Variants in PCDHGA2 observed in about 807,000 individuals in gnomAD.
PCDHGA2 encodes the protein protocadherin gamma subfamily A, 2.
Under a neutral mutation model 59.2 loss-of-function variants are expected in PCDHGA2, and 40 were observed. The observed-to-expected ratio is 0.68, with a 90% CI of 0.52 to 0.88. The LOEUF (loss-of-function observed/expected upper bound fraction) is 0.88, where lower values mean the gene tolerates loss of function less well. Ranked by LOEUF, PCDHGA2 falls within the 40% of genes least tolerant of loss-of-function variation. The pLI, the probability that PCDHGA2 is intolerant of heterozygous loss-of-function variation, is 0.00. For missense variants in PCDHGA2, 1,226 were observed against 1,204.0 expected, an observed-to-expected ratio of 1.02 and a Z score of -0.27; for synonymous variants, 560 against 526.0, an observed-to-expected ratio of 1.06 and a Z score of -0.89.
chr5:141,365,644 C>A (rs762390093), intron 1 of PCDHGA2: 3 of 1,613,554 alleles, frequency 1.9e-6, no homozygotes, highest in Non-Finnish European at 2.5e-6. Context: ...AAAGCCACAT[C>A]CCCTTGAAAG....
chr5:141,361,838 G>T lies in PCDHGA2; in HGVS notation c.2424+20443G>T, dbSNP rs761837286. ...CCACGGGTGCTGTACCCCGCGCTGG[G>T]GCCTGATGGCTCCGCCCTCTTCGAT... On this transcript the variant is annotated intron_variant, in intron 1 of 3. Coordinates refer to ENST00000394576, the MANE Select transcript of PCDHGA2 (RefSeq NM_018915.4). 27 of 1,612,714 alleles carry T rather than the reference G, an allele frequency of 1.7e-5. No individual in the cohort carries two copies. Among genetic ancestry groups the T allele is most frequent in the Non-Finnish European group, 2.2e-5 (26 of 1,179,748 alleles).
chr5:141,364,467 G>T (rs776444046), intron 1 of PCDHGA2: 2 of 1,614,004 alleles, frequency 1.2e-6, no homozygotes, highest in Non-Finnish European at 1.7e-6. Context: ...TCCTTCGTCG[G>T]CAACATAGCC....
intron 1 of PCDHGA2, among the ~76,000 whole-genome samples, chr5:141,463,861 A>G (rs1308802167): frequency 1.3e-5 from 2 of 152,340 alleles, no homozygotes; most frequent in East Asian, 1.9e-4. Context: ...ATCTGGTTTC[A>G]CATGACTGAA....
At chr5:141,404,465 G>C in intron 1 of PCDHGA2, 1 of 1,613,516 alleles carries the variant, frequency 6.2e-7, no homozygotes, top group Non-Finnish European at 8.5e-7. Flanking sequence ...CTCCACCTAT[G>C]TCTCTATTAA....
intron 3 of PCDHGA2, 72 bp from the exon 4 acceptor site, chr5:141,510,875 C>T: frequency 6.2e-7 from 1 of 1,610,120 alleles, no homozygotes; most frequent in Admixed American, 1.7e-5. Context: ...TCATTAACTG[C>T]TGGGGATATA....
chr5:141,388,769 C>T (rs1216196772), intron 1 of PCDHGA2: 23 of 1,613,914 alleles, frequency 1.4e-5, no homozygotes, highest in Non-Finnish European at 1.9e-5. Flanking sequence ...TGAACTCTAA[C>T]ACCGGGGAAA....
chr5:141,387,321 T>G (rs2090906935), intron 1 of PCDHGA2, among the ~76,000 whole-genome samples: 1 of 152,226 alleles, frequency 6.6e-6, no homozygotes, highest in African/African-American at 2.4e-5. Context: ...TGAGTAAGTA[T>G]GGAAAATTAC....
chr5:141,421,477 A>G (rs755936665), intron 1 of PCDHGA2: 23 of 1,614,022 alleles, frequency 1.4e-5, no homozygotes, highest in Non-Finnish European at 1.7e-6. Context: ...GCGAAGCGGC[A>G]GCTTGATCAC....
chr5:141,352,426 C>T (rs1759009835), intron 1 of PCDHGA2: 1 of 1,614,080 alleles, frequency 6.2e-7, no homozygotes, highest in Non-Finnish European at 8.5e-7. Flanking sequence ...CTGAGGGCTG[C>T]TTTCAAACCG....
At chr5:141,502,768 T>C (rs1389860952) in intron 2 of PCDHGA2, among the ~76,000 whole-genome samples, 1 of 152,154 alleles carries the variant, frequency 6.6e-6, no homozygotes, top group East Asian at 1.9e-4. Context: ...GCTGGTATTC[T>C]TCTGAAAATT....
intron 3 of PCDHGA2, among the ~76,000 whole-genome samples, chr5:141,506,198 C>T (rs985517638): frequency 3.3e-5 from 5 of 152,156 alleles, no homozygotes; most frequent in Admixed American, 6.5e-5. Context: ...CGCCTGTAAT[C>T]CCAGCACTTT....
At chr5:141,421,461 G>C (rs1216014695) in intron 1 of PCDHGA2, 2 of 1,614,034 alleles carry the variant, frequency 1.2e-6, no homozygotes, top group Non-Finnish European at 8.5e-7. Context: ...TTTTCGCTGT[G>C]AATCCGCGAA....
At position 141,485,681 on chromosome 5, in the gene PCDHGA2, T is replaced by A; in HGVS notation, c.2425-9126T>A. The A allele has an allele frequency of 6.2e-7, 1 of 1,614,074 alleles. No homozygotes were observed. The highest frequency in any genetic ancestry group is 8.5e-7 in the Non-Finnish European group (1 of 1,179,966). ...TGTGGGGAGCAATTCGATTAGCAGC[T>A]ATAGGCTGAGCTCCAATGAACACTT... On this transcript the variant is annotated intron_variant, in intron 1 of 3. Transcript: ENST00000394576. The surrounding 1 kb of genome is among the most constrained non-coding windows in gnomAD (Gnocchi z 5.7).
intron 1 of PCDHGA2, chr5:141,393,906 G>C: frequency 1.2e-6 from 2 of 1,613,998 alleles, no homozygotes; most frequent in Non-Finnish European, 1.7e-6. Context: ...TCCCGGGACA[G>C]TAATTGCCTT....
intron 1 of PCDHGA2, chr5:141,414,350 C>G (rs1450829111): frequency 6.2e-7 from 1 of 1,613,726 alleles, no homozygotes; most frequent in East Asian, 2.2e-5. Context: ...TCCATTTTGG[C>G]GTATCTACCA....
chr5:141,346,161 G>C, intron 1 of PCDHGA2: 1 of 1,614,026 alleles, frequency 6.2e-7, no homozygotes, highest in Non-Finnish European at 8.5e-7. Context: ...CTTCGTCATC[G>C]TGCTGCTGGC....
chr5:141,439,629 A>G (rs1262264623), intron 1 of PCDHGA2, among the ~76,000 whole-genome samples: 1 of 152,208 alleles, frequency 6.6e-6, no homozygotes, highest in East Asian at 1.9e-4. Flanking sequence ...CAATCCCCAG[A>G]CATTCCGGCT....
intron 1 of PCDHGA2, among the ~76,000 whole-genome samples, chr5:141,444,770 C>A (rs1382748105): frequency 2.6e-5 from 4 of 152,078 alleles, no homozygotes; most frequent in African/African-American, 9.7e-5. Context: ...TTTCTATATT[C>A]TTGATCATGT....
intron 1 of PCDHGA2, chr5:141,364,424 C>A (rs1029173533): frequency 5.0e-6 from 8 of 1,613,572 alleles, no homozygotes; most frequent in South Asian, 1.1e-5. Context: ...CGGGCAGATC[C>A]GCTACTCGAT....
Sources: gnomAD v4.1 joint callset for allele counts (sites outside exome capture counted in the v4.1 genomes callset) on GRCh38, gnomAD v4.1.1 for gene constraint, Gnocchi (gnomAD v3.1) non-coding constraint, MANE v1.5 for transcripts, NCBI Gene and HGNC (gene_info 2026-07-23, HGNC 2026-07-21) for gene names.